The following CHD2 variants were observed in gnomAD, a reference collection of about 807,000 sequenced individuals.
CHD2 encodes the protein ATP-dependent chromatin remodeler CHD2.
CHD2 carries 28 observed loss-of-function variants against 243.9 expected under a neutral mutation model. That is an observed-to-expected ratio of 0.11 (90% confidence interval 0.09 to 0.16). The LOEUF (loss-of-function observed/expected upper bound fraction) is 0.16. CHD2 is among the 10% of genes least tolerant of loss of function. CHD2 has a pLI of 1.00. For synonymous variants in CHD2, 775 were observed against 779.0 expected, an observed-to-expected ratio of 0.99 and a Z score of 0.09; for missense variants, 1,386 against 2,209.8, an observed-to-expected ratio of 0.63 and a Z score of 7.47.
chr15:92,907,779 A>G (rs934079943), intron 2 of CHD2, among the ~76,000 whole-genome samples: 9 of 152,150 alleles, frequency 5.9e-5, no homozygotes, highest in African/African-American at 2.2e-4. Flanking sequence ...TAGTAAGGTT[A>G]TTTTATTCTT....
At chr15:93,010,365 A>G (rs982303543) in intron 35 of CHD2, among the ~76,000 whole-genome samples, 7 of 151,744 alleles carry the variant, frequency 4.6e-5, no homozygotes, top group African/African-American at 1.7e-4. Flanking sequence ...TGCTGGATAT[A>G]TATCCACTGT....
At chr15:92,968,215 CT>C (rs1472665227) in intron 17 of CHD2, among the ~76,000 whole-genome samples, 5 of 152,142 alleles carry the variant, frequency 3.3e-5, no homozygotes, top group African/African-American at 4.8e-5. Flanking sequence ...CTGATTCTAG[CT>C]CCATGGCATT....
At position 93,024,687 on chromosome 15, in the gene CHD2, G is replaced by T. The variant is rs546023090; in HGVS notation, c.5469G>T (p.Trp1823Cys). 1 of 1,611,024 alleles carries T rather than the reference G, an allele frequency of 6.2e-7. No homozygotes were observed. The highest frequency in any genetic ancestry group is 1.1e-5 in the South Asian group (1 of 90,752). ...LEQKNNPDYN[W>C]NVRKT The stretch of plus-strand genomic sequence containing the variant: ...AGAAAAACAACCCAGATTATAACTG[G>T]AATGTTCGGAAAACATAAAGGACAG... Residue 1823 changes from tryptophan (W) to cysteine (C), a missense_variant, in exon 39 of 39, where the codon TGG becomes TGT. Trp to Cys is a radical substitution (Grantham distance 215). This residue lies in a region of CHD2 where 347 missense variants were observed against 341.6 expected (regional missense o/e 1.02). Coordinates refer to ENST00000394196, the MANE Select transcript of CHD2 (RefSeq NM_001271.4).
At chr15:92,993,761 G>A (rs1486167028) in intron 28 of CHD2, among the ~76,000 whole-genome samples, 1 of 152,118 alleles carries the variant, frequency 6.6e-6, no homozygotes, top group Non-Finnish European at 1.5e-5. Flanking sequence ...TGGGCAATAT[G>A]TAAGTGAGAC....
intron 37 of CHD2, among the ~76,000 whole-genome samples, chr15:93,015,915 G>A (rs2054454167): frequency 6.6e-6 from 1 of 152,204 alleles, no homozygotes; most frequent in Non-Finnish European, 1.5e-5. Flanking sequence ...GGGAATGTAA[G>A]TTAGTGCAGC....
chr15:92,903,867 G>A (rs746975496), intron 2 of CHD2, among the ~76,000 whole-genome samples: 4 of 152,160 alleles, frequency 2.6e-5, no homozygotes, highest in Non-Finnish European at 5.9e-5. Flanking sequence ...ATAACCTGAG[G>A]TGCGGGTAAA....
chr15:92,925,046 C>A (rs11632112), intron 3 of CHD2, among the ~76,000 whole-genome samples: 1 of 152,100 alleles, frequency 6.6e-6, no homozygotes, highest in South Asian at 2.1e-4. Flanking sequence ...GGTGATCCAC[C>A]TGCCTCGGCC....
At chr15:92,980,770 T>C (rs1567150936) in intron 22 of CHD2, 45 bp from the exon 23 acceptor site, 8 of 1,347,952 alleles carry the variant, frequency 5.9e-6, no homozygotes, top group South Asian at 2.4e-5. Flanking sequence ...TAGAACACTT[T>C]AGAGGTTATT....
At chr15:92,953,856 A>G in intron 14 of CHD2, 1 of 367,944 alleles carries the variant, frequency 2.7e-6, no homozygotes, top group South Asian at 3.5e-5. Context: ...TACTTCTAAG[A>G]TTGCTTTATA....
rs183427060 is a variant in CHD2 at position 92,939,723 on chromosome 15, G to A, written c.692+5G>A. 2 of 1,612,388 alleles carry A rather than the reference G, an allele frequency of 1.2e-6. No individual in the cohort carries two copies. Among genetic ancestry groups the A allele is most frequent in the South Asian group, 1.1e-5 (1 of 90,998 alleles). On this transcript the variant is annotated splice_donor_5th_base_variant and intron_variant, in intron 7 of 38. Transcript: ENST00000394196. ...AAGAGCGGCTAAAAACGTTAGGTAA[G>A]TTGTACCCCAGAAGTGTTTCACTGG...
intron 5 of CHD2, among the ~76,000 whole-genome samples, chr15:92,931,860 G>T (rs1019654106): frequency 2.1e-5 from 3 of 145,852 alleles, no homozygotes; most frequent in African/African-American, 5.1e-5. Context: ...CATTGCTGAC[G>T]TACTTTTTTT....
Position 92,972,282 on chromosome 15 carries a change from T to C in CHD2, c.2370T>C (p.Ser790=). The C allele has an allele frequency of 1.2e-6, 2 of 1,610,746 alleles. No homozygotes were observed. Among genetic ancestry groups the C allele is most frequent in the Non-Finnish European group, 1.7e-6 (2 of 1,179,052 alleles). The part of the protein sequence containing the change: ...QEILLSLIRS[S]GKLILLDKLL... Reference sequence around the variant, plus strand: ...ATCTTCAGTCCCTCATAAGGAGCAGTGGGAAGTTGATTTTATTAGACAAAC... The same window carrying C: ...ATCTTCAGTCCCTCATAAGGAGCAGCGGGAAGTTGATTTTATTAGACAAAC... Residue 790 remains serine, a synonymous_variant, in exon 19 of 39, where the codon AGT becomes AGC. Coordinates refer to ENST00000394196, the MANE Select transcript of CHD2 (RefSeq NM_001271.4).
At chr15:92,948,904 A>G (rs755792323) in intron 12 of CHD2, 48 bp from the exon 13 acceptor site, 4 of 1,575,610 alleles carry the variant, frequency 2.5e-6, no homozygotes, top group East Asian at 2.2e-5. Context: ...GCGTTTTAAC[A>G]TAGTAGCAGT....
At chr15:92,985,387 G>C in intron 25 of CHD2, 111 bp from the exon 26 acceptor site, 1 of 1,096,682 alleles carries the variant, frequency 9.1e-7, no homozygotes, top group South Asian at 2.0e-5. Context: ...TGACTTGTCT[G>C]ATATGGTGAG....
At chr15:92,939,465 G>GTGAAATGTTACATTCTGATGTA in intron 6 of CHD2, 113 bp from the exon 7 acceptor site, 1 of 1,125,552 alleles carries the variant, frequency 8.9e-7, no homozygotes, top group Non-Finnish European at 1.2e-6. Context: ...CATTCCCCAA[G>GTGAAATGTTACATTCTGATGTA]TGAAATGTTA....
In CHD2 at chr15:92,998,349, T is replaced by C; in HGVS notation, c.3886-150T>C. The stretch of plus-strand genomic sequence containing the variant: ...AGGGATTTTCAGTGACTGGGAGCCA[T>C]GGACATGAGATAGGATCTGAGGCTT... On this transcript the variant is annotated intron_variant, in intron 30 of 38. Transcript: ENST00000394196. This position sits in a 1 kb window ranked among gnomAD's most constrained non-coding sequence, Gnocchi z 5.1. The C allele has an allele frequency of 1.4e-6, 2 of 1,384,810 alleles. No homozygotes were observed. The highest frequency in any genetic ancestry group is 1.9e-6 in the Non-Finnish European group (2 of 1,036,612). The allele number at this position is 1,384,810 out of a possible 1,614,324, so 85.8% of individuals were successfully genotyped here.
At chr15:93,020,411 T>C (rs2054520155) in intron 38 of CHD2, 153 bp downstream of exon 38, 1 of 971,736 alleles carries the variant, frequency 1.0e-6, no homozygotes, top group Non-Finnish European at 1.5e-6. Context: ...GTCTTGGTTA[T>C]AGGTTTTATG....
In CHD2 at chr15:92,981,481, A is replaced by C. The variant is rs767830370; in HGVS notation, c.3066+24A>C. 5.8e-6 allele frequency: 9 copies of C among 1,561,482 alleles called. No homozygotes were observed. The Admixed American group carries it at 1.5e-4, about 26-fold the overall frequency. The stretch of plus-strand genomic sequence containing the variant: ...AGGTATGAAGATCTTTGTGGGAGAG[A>C]GTTCTCAGCATTGATTCATTAATGA... On this transcript the variant is annotated intron_variant, in intron 24 of 38. Transcript: ENST00000394196.
chr15:92,946,357 A>AT lies in CHD2; in HGVS notation c.1377+143dup, dbSNP rs1224512460. 7 of 580,272 alleles carry AT rather than the reference A, an allele frequency of 1.2e-5. No homozygotes were observed. The African/African-American group carries it at 1.3e-4, about 11-fold the overall frequency. 35.9% of individuals were successfully genotyped at this position (580,272 alleles called of 1,614,324 possible). On this transcript the variant is annotated intron_variant, in intron 12 of 38. Coordinates refer to ENST00000394196, the MANE Select transcript of CHD2 (RefSeq NM_001271.4). ...TGAAAGAAGGTGATTTAAATATGAC[A>AT]TTAAAGCAAAAGGAGAGAATGAATT...
Sources: allele counts gnomAD v4.1 joint callset (sites outside exome capture counted in the v4.1 genomes callset), GRCh38; gene constraint gnomAD v4.1.1; regional missense constraint gnomAD v4.1.1; non-coding constraint Gnocchi (gnomAD v3.1); transcripts MANE v1.5; gene names NCBI Gene and HGNC (gene_info 2026-07-23, HGNC 2026-07-21).